Variants in ZC3H3 observed in about 807,000 individuals in gnomAD.
The protein encoded by ZC3H3 is zinc finger CCCH-type containing 3.
ZC3H3 carries 36 observed loss-of-function variants against 77.3 expected under a neutral mutation model. That is an observed-to-expected ratio of 0.47 (90% confidence interval 0.36 to 0.61). The LOEUF is 0.61. ZC3H3 is among the 20% of genes least tolerant of loss of function. ZC3H3 has a pLI of 0.00. For synonymous variants in ZC3H3, 626 were observed against 555.2 expected (o/e 1.13, Z -1.79); for missense variants, 1,331 against 1,312.2 (o/e 1.01, Z -0.22).
chr8:143,497,139 TA>T (rs1337522929), intron 4 of ZC3H3, among the ~76,000 whole-genome samples: 1 of 152,184 alleles, frequency 6.6e-6, no homozygotes, highest in Admixed American at 6.5e-5. Context: ...GCAACTTCTG[TA>T]AAAGTATATC....
At chr8:143,516,583 A>G (rs1001471803) in intron 3 of ZC3H3, among the ~76,000 whole-genome samples, 1 of 146,318 alleles carries the variant, frequency 6.8e-6, no homozygotes, top group South Asian at 2.2e-4. Context: ...ACACACACTC[A>G]CTCTCATGCA....
At position 143,462,773 on chromosome 8, in the gene ZC3H3, G is replaced by A. The variant is rs1343770576; in HGVS notation, c.2307+2944C>T. On this transcript the variant is annotated intron_variant, in intron 9 of 11. Transcript: ENST00000262577. This position sits in a 1 kb window ranked among gnomAD's most constrained non-coding sequence, Gnocchi z 4.7. ...GTGCAGGAGCTCTCAATGCAGAGGT[G>A]GGGATGGAGTCACTGTCACCCCTGC... Among the ~76,000 whole-genome samples, 1 of 152,234 alleles carries A rather than the reference G, an allele frequency of 6.6e-6. No homozygotes were observed. The highest frequency in any genetic ancestry group is 1.5e-5 in the Non-Finnish European group (1 of 68,038).
chr8:143,498,605 A>AG (rs1415005600), intron 4 of ZC3H3, among the ~76,000 whole-genome samples: 1 of 151,952 alleles, frequency 6.6e-6, no homozygotes, highest in East Asian at 1.9e-4. Flanking sequence ...CCCCGGCTGA[A>AG]GGGGGTCACC....
rs1365437181 is a variant in ZC3H3 at position 143,460,803 on chromosome 8, A to AT, written c.2307+4913dup. Reference sequence around the variant, plus strand: ...GACACCAAAGGACAGATGCTGGATGATTCCACTGACGGGACACAGCTAGAC... The same window carrying AT: ...GACACCAAAGGACAGATGCTGGATGATTTCCACTGACGGGACACAGCTAGAC... On this transcript the variant is annotated intron_variant, in intron 9 of 11. Coordinates refer to ENST00000262577, the MANE Select transcript of ZC3H3 (RefSeq NM_015117.3). The surrounding 1 kb of genome is among the most constrained non-coding windows in gnomAD (Gnocchi z 4.0). Among the ~76,000 whole-genome samples, 2 of 152,198 alleles carry AT rather than the reference A, an allele frequency of 1.3e-5. No individual in the cohort carries two copies. Among genetic ancestry groups the AT allele is most frequent in the Admixed American group, 6.5e-5 (1 of 15,278 alleles).
chr8:143,531,394 G>A (rs1042802597), intron 3 of ZC3H3, among the ~76,000 whole-genome samples: 1 of 152,212 alleles, frequency 6.6e-6, no homozygotes, highest in African/African-American at 2.4e-5. Context: ...GCCCCCAGCC[G>A]AGGTCTGACT....
At chr8:143,518,635 G>C (rs576706021) in intron 3 of ZC3H3, among the ~76,000 whole-genome samples, 27 of 152,376 alleles carry the variant, frequency 1.8e-4, no homozygotes, top group African/African-American at 6.3e-4. Flanking sequence ...CCAGGCACCA[G>C]GTGTGCCCTG....
intron 4 of ZC3H3, among the ~76,000 whole-genome samples, chr8:143,498,179 G>A (rs996054517): frequency 3.9e-5 from 6 of 152,318 alleles, no homozygotes; most frequent in African/African-American, 1.4e-4. Flanking sequence ...CTGGAAAGAA[G>A]GTCAAGAAGC....
intron 9 of ZC3H3, among the ~76,000 whole-genome samples, chr8:143,452,557 A>C (rs1415224355): frequency 6.6e-6 from 1 of 151,874 alleles, no homozygotes; most frequent in African/African-American, 2.4e-5. Context: ...AAGACAGAAC[A>C]GCATCACAAA....
chr8:143,512,730 C>A (rs1216468471), intron 3 of ZC3H3, among the ~76,000 whole-genome samples: 1 of 152,266 alleles, frequency 6.6e-6, no homozygotes, highest in Non-Finnish European at 1.5e-5. Context: ...CCTGACCACC[C>A]CAGAGCTCAG....
chr8:143,441,630 A>C (rs1586869031), intron 9 of ZC3H3, among the ~76,000 whole-genome samples: 1 of 152,142 alleles, frequency 6.6e-6, no homozygotes, highest in Non-Finnish European at 1.5e-5. Context: ...TCACAGTGCT[A>C]ATTATACCCA....
At chr8:143,528,453 C>T (rs545939522) in intron 3 of ZC3H3, among the ~76,000 whole-genome samples, 29 of 152,366 alleles carry the variant, frequency 1.9e-4, no homozygotes, top group Non-Finnish European at 3.4e-4. Context: ...ATTCCATCCA[C>T]GGCCAGCCTC....
intron 9 of ZC3H3, among the ~76,000 whole-genome samples, chr8:143,452,904 A>T (rs1300149470): frequency 6.6e-6 from 1 of 152,218 alleles, no homozygotes; most frequent in East Asian, 1.9e-4. Flanking sequence ...AATAATACAA[A>T]CTTTACAAAT....
At chr8:143,500,230 C>T (rs1198639413) in intron 4 of ZC3H3, among the ~76,000 whole-genome samples, 1 of 152,240 alleles carries the variant, frequency 6.6e-6, no homozygotes, top group Non-Finnish European at 1.5e-5. Context: ...GACCGCTCCC[C>T]ACAGAAGGAC....
chr8:143,481,848 C>T (rs527494271), intron 4 of ZC3H3, among the ~76,000 whole-genome samples: 1 of 152,374 alleles, frequency 6.6e-6, no homozygotes, highest in Admixed American at 6.5e-5. Flanking sequence ...GGACCCCCTG[C>T]CCAGGGCCCT....
At chr8:143,483,027 G>A (rs954074003) in intron 4 of ZC3H3, among the ~76,000 whole-genome samples, 6 of 152,242 alleles carry the variant, frequency 3.9e-5, no homozygotes, top group Non-Finnish European at 7.3e-5. Context: ...CAGTAAACAG[G>A]CAGTCCAGCT....
rs57635037 is a variant in ZC3H3 at position 143,464,636 on chromosome 8, C to G, written c.2307+1081G>C. Among the ~76,000 whole-genome samples, 198 of 152,298 alleles carry G rather than the reference C, an allele frequency of 1.3e-3. 1 individual carries two copies. The highest frequency in any genetic ancestry group is 4.6e-3 in the African/African-American group (192 of 41,560). ...GCCGCCAGAGCTTCGGGCCCGGTGT[C>G]CTTGCGGGTGGGCTGAGAAAGGGTT... On this transcript the variant is annotated intron_variant, in intron 9 of 11. Transcript: ENST00000262577.
At chr8:143,491,554 C>T (rs1821202788) in intron 4 of ZC3H3, among the ~76,000 whole-genome samples, 1 of 152,270 alleles carries the variant, frequency 6.6e-6, no homozygotes, top group South Asian at 2.1e-4. Context: ...CGCAGTGTGC[C>T]ACACCCGGCT....
chr8:143,484,639 G>A lies in ZC3H3; in HGVS notation c.1716-9054C>T, dbSNP rs568873748. On this transcript the variant is annotated intron_variant, in intron 4 of 11. Transcript: ENST00000262577. ...AGCTCGTCCGGCAGAGGTGCCAGGC[G>A]GCCAGGTGCAGCTGTCCTTGGCGGG... 74 of 165,632 alleles carry A rather than the reference G, an allele frequency of 4.5e-4. 2 individuals are homozygous for A. In the South Asian group the frequency reaches 8.3e-3, roughly 19 times the overall value. The allele number at this position is 165,632 out of a possible 1,614,324, so 10.3% of individuals were successfully genotyped here.
rs11774714 is a variant in ZC3H3 at position 143,507,942 on chromosome 8, C to T, written c.1562-43G>A. The T allele has an allele frequency of 0.12, 176,080 of 1,519,742 alleles. 11,636 individuals are homozygous for T. The highest frequency in any genetic ancestry group is 0.14 in the Non-Finnish European group (153,099 of 1,127,338). 94.1% of individuals were successfully genotyped at this position (1,519,742 alleles called of 1,614,324 possible). A position where few individuals can be genotyped will look rare whatever the true frequency, so the allele number is the denominator to read the frequency against. On this transcript the variant is annotated intron_variant, in intron 3 of 11. Coordinates refer to ENST00000262577, the MANE Select transcript of ZC3H3 (RefSeq NM_015117.3). ...GGCACAGACATGGGTCAGGGAAGGC[C>T]GGCAAGGGTAGGGTCAGAGAGGCCA...
Sources: allele counts gnomAD v4.1 joint callset (sites outside exome capture counted in the v4.1 genomes callset), GRCh38; gene constraint gnomAD v4.1.1; non-coding constraint Gnocchi (gnomAD v3.1); transcripts MANE v1.5; gene names NCBI Gene and HGNC (gene_info 2026-07-23, HGNC 2026-07-21).